NLGN1: variants seen among roughly 807,000 people sequenced by gnomAD.
NLGN1 encodes neuroligin-1.
Under a neutral mutation model 65.5 loss-of-function variants are expected in NLGN1, and 12 were observed. The ratio of observed to expected loss-of-function variants is 0.18; its 90% CI spans 0.12 to 0.30. The LOEUF (loss-of-function observed/expected upper bound fraction) is 0.30. NLGN1 is among the 10% of genes least tolerant of loss of function. The pLI, the probability that NLGN1 is intolerant of heterozygous loss-of-function variation, is 1.00. For synonymous variants in NLGN1, 350 were observed against 359.5 expected, an observed-to-expected ratio of 0.97 and a Z score of 0.30; for missense variants, 750 against 1,007.1, an observed-to-expected ratio of 0.74 and a Z score of 3.46.
chr3:173,836,734 A>G (rs1723692332), intron 4 of NLGN1, among the ~76,000 whole-genome samples: 1 of 152,166 alleles, frequency 6.6e-6, no homozygotes, highest in African/African-American at 2.4e-5. Flanking sequence ...TCAGATGCCC[A>G]TCACCATCCA....
intron 3 of NLGN1, chr3:173,800,278 C>T (rs1245331380): frequency 7.5e-6 from 8 of 1,062,282 alleles, no homozygotes; most frequent in South Asian, 1.8e-5. Flanking sequence ...TCCATTTCTC[C>T]GTTCTCAATC....
At chr3:173,977,122 C>G (rs1291524420) in intron 4 of NLGN1, among the ~76,000 whole-genome samples, 2 of 150,002 alleles carry the variant, frequency 1.3e-5, no homozygotes, top group Non-Finnish European at 2.9e-5. Flanking sequence ...CACACACACA[C>G]GCACACACAC....
intron 4 of NLGN1, among the ~76,000 whole-genome samples, chr3:174,179,022 A>C (rs1248350980): frequency 6.6e-6 from 1 of 152,146 alleles, no homozygotes; most frequent in Non-Finnish European, 1.5e-5. Flanking sequence ...TTTTTAAGTC[A>C]GTAGTTATTA....
At chr3:173,954,580 TTCCCATA>T (rs1364170954) in intron 4 of NLGN1, among the ~76,000 whole-genome samples, 1 of 152,048 alleles carries the variant, frequency 6.6e-6, no homozygotes, top group East Asian at 1.9e-4. Context: ...GAGTTGCTTC[TTCCCATA>T]TCCCACCTTC....
At chr3:173,524,907 T>G (rs9790247) in intron 2 of NLGN1, among the ~76,000 whole-genome samples, 67,201 of 151,952 alleles carry the variant, frequency 0.44, 15,551 homozygotes, top group East Asian at 0.82. Context: ...ATTCCTGTAA[T>G]AAAAACCCCT....
At chr3:174,131,051 T>A (rs2152670864) in intron 4 of NLGN1, among the ~76,000 whole-genome samples, 1 of 152,304 alleles carries the variant, frequency 6.6e-6, no homozygotes, top group South Asian at 2.1e-4. Flanking sequence ...AATGAATGTA[T>A]CAATTATCTA....
chr3:173,767,519 A>T, intron 3 of NLGN1, among the ~76,000 whole-genome samples: 1 of 152,056 alleles, frequency 6.6e-6, no homozygotes, highest in East Asian at 1.9e-4. Flanking sequence ...AAAATAATAA[A>T]TACTAAATGA....
At chr3:173,690,146 G>C (rs1198535635) in intron 3 of NLGN1, among the ~76,000 whole-genome samples, 1 of 152,084 alleles carries the variant, frequency 6.6e-6, no homozygotes, top group Non-Finnish European at 1.5e-5. Flanking sequence ...CCATTTTATA[G>C]GCGACACTTA....
chr3:174,208,209 A>C (rs1735795237), intron 4 of NLGN1, among the ~76,000 whole-genome samples: 1 of 152,172 alleles, frequency 6.6e-6, no homozygotes, highest in African/African-American at 2.4e-5. Context: ...TTACATTCCC[A>C]TTTCAAACAG....
chr3:173,661,388 A>C (rs754275297), intron 3 of NLGN1, among the ~76,000 whole-genome samples: 2 of 152,088 alleles, frequency 1.3e-5, no homozygotes, highest in African/African-American at 4.8e-5. Context: ...TCCATGGCTC[A>C]TAGGTGGGAG....
intron 1 of NLGN1, among the ~76,000 whole-genome samples, chr3:173,417,975 G>A (rs1714132580): frequency 6.6e-6 from 1 of 151,406 alleles, no homozygotes; most frequent in African/African-American, 2.4e-5. Flanking sequence ...GAGCAGATAG[G>A]AAGAAAAAAA....
At chr3:173,810,909 C>T (rs1717784216) in intron 4 of NLGN1, among the ~76,000 whole-genome samples, 1 of 152,080 alleles carries the variant, frequency 6.6e-6, no homozygotes, top group Non-Finnish European at 1.5e-5. Flanking sequence ...GTATGATTTT[C>T]CCCCACCCTG....
chr3:174,276,289 A>T (rs35293769), intron 5 of NLGN1, among the ~76,000 whole-genome samples: 9,318 of 151,862 alleles, frequency 0.061, 539 homozygotes, highest in East Asian at 0.32. Flanking sequence ...GTTGTTCTTT[A>T]TGAACTCCAT....
At chr3:173,414,271 T>C (rs933591078) in intron 1 of NLGN1, among the ~76,000 whole-genome samples, 5 of 152,018 alleles carry the variant, frequency 3.3e-5, no homozygotes, top group Admixed American at 3.3e-4. Context: ...AAAGGAGATA[T>C]GTTATATAGT....
intron 3 of NLGN1, among the ~76,000 whole-genome samples, chr3:173,706,075 G>A (rs10936769): frequency 0.26 from 39,311 of 151,954 alleles, 6,272 homozygotes; most frequent in African/African-American, 0.46. Flanking sequence ...AATAATTTTC[G>A]TGCTCCTTGC....
chr3:174,065,339 G>A (rs1019685161), intron 4 of NLGN1, among the ~76,000 whole-genome samples: 2 of 152,022 alleles, frequency 1.3e-5, no homozygotes, highest in African/African-American at 2.4e-5. Context: ...CAGATTAAGG[G>A]AGAAAGAGGA....
At chr3:173,806,007 G>A (rs1351906069) in intron 3 of NLGN1, among the ~76,000 whole-genome samples, 2 of 152,068 alleles carry the variant, frequency 1.3e-5, no homozygotes, top group Non-Finnish European at 2.9e-5. Context: ...TCTGTGTTTA[G>A]TGAATGGTTC....
chr3:173,515,425 A>G (rs2149110904), intron 2 of NLGN1, among the ~76,000 whole-genome samples: 1 of 152,104 alleles, frequency 6.6e-6, no homozygotes, highest in Non-Finnish European at 1.5e-5. Context: ...GTTTCCTCTC[A>G]TTATGTAGGT....
chr3:173,483,182 T>C (rs901803410), intron 2 of NLGN1, among the ~76,000 whole-genome samples: 11 of 152,090 alleles, frequency 7.2e-5, no homozygotes, highest in Non-Finnish European at 1.3e-4. Flanking sequence ...ATGTTTTTTC[T>C]TTTTGAAAAA....
Sources: gnomAD v4.1 joint callset for allele counts (sites outside exome capture counted in the v4.1 genomes callset) on GRCh38, gnomAD v4.1.1 for gene constraint, MANE v1.5 for transcripts, NCBI Gene and HGNC (gene_info 2026-07-23, HGNC 2026-07-21) for gene names.